The following CENPO variants were observed in gnomAD, a reference collection of about 807,000 sequenced individuals.
CENPO encodes centromere protein O, also known as centromeric protein O.
CENPO carries 30 observed loss-of-function variants against 36.1 expected under a neutral mutation model. That is an observed-to-expected ratio of 0.83 (90% CI 0.62 to 1.13). The LOEUF (loss-of-function observed/expected upper bound fraction) is 1.13. Among genes scored for constraint, CENPO ranks in the 50% most tolerant of loss-of-function variants. The pLI is 0.00. For missense variants in CENPO, 349 were observed against 357.8 expected, an observed-to-expected ratio of 0.98 and a Z score of 0.20; for synonymous variants, 171 against 142.3, an observed-to-expected ratio of 1.20 and a Z score of -1.44.
intron 1 of CENPO, 71 bp from the exon 2 acceptor site, chr2:24,793,781 G>C (rs1329013854): frequency 1.1e-5 from 13 of 1,186,010 alleles, no homozygotes; most frequent in Non-Finnish European, 1.6e-5. Flanking sequence ...TGCCTGAGTG[G>C]TGTGTGCCCT....
chr2:24,804,369 A>G (rs1666288684), intron 3 of CENPO, among the ~76,000 whole-genome samples: 1 of 152,176 alleles, frequency 6.6e-6, no homozygotes, highest in African/African-American at 2.4e-5. Flanking sequence ...TCCTGTCATT[A>G]TGATGTTAGC....
At chr2:24,813,734 G>T (rs1204162934) in intron 3 of CENPO, among the ~76,000 whole-genome samples, 1 of 152,162 alleles carries the variant, frequency 6.6e-6, no homozygotes, top group Non-Finnish European at 1.5e-5. Flanking sequence ...TCTAGTTTAT[G>T]CCTTTCTATG....
intron 3 of CENPO, among the ~76,000 whole-genome samples, chr2:24,813,604 C>T (rs1212132065): frequency 1.3e-5 from 2 of 152,064 alleles, no homozygotes; most frequent in Non-Finnish European, 2.9e-5. Flanking sequence ...TAGCAAATGC[C>T]GGGAGGGAAG....
chr2:24,817,466 C>CAA (rs57556645), intron 6 of CENPO, among the ~76,000 whole-genome samples: 1 of 110,084 alleles, frequency 9.1e-6, no homozygotes, highest in Non-Finnish European at 1.7e-5. Context: ...TAGTCCAGAC[C>CAA]AAAAAAAAAA....
chr2:24,801,206 C>G (rs1028424976), intron 3 of CENPO, among the ~76,000 whole-genome samples: 3 of 152,080 alleles, frequency 2.0e-5, no homozygotes, highest in Non-Finnish European at 4.4e-5. Context: ...TGTTTGAGTT[C>G]ATTGTAGATT....
At chr2:24,810,504 GTT>G (rs35287429) in intron 3 of CENPO, among the ~76,000 whole-genome samples, 52 of 114,056 alleles carry the variant, frequency 4.6e-4, no homozygotes, top group East Asian at 1.1e-3. Context: ...GCAGGTTAAG[GTT>G]TTTTTTTTTT....
At chr2:24,818,549 GATAAA>G (rs1667072288) in intron 7 of CENPO, among the ~76,000 whole-genome samples, 1 of 152,178 alleles carries the variant, frequency 6.6e-6, no homozygotes, top group Non-Finnish European at 1.5e-5. Context: ...AAAGCAGTAG[GATAAA>G]ATAATCAGAG....
intron 3 of CENPO, among the ~76,000 whole-genome samples, chr2:24,801,115 G>T (rs299015): frequency 5.3e-5 from 8 of 152,178 alleles, no homozygotes; most frequent in Admixed American, 2.0e-4. Context: ...TTTGGCTGCA[G>T]AAATGTCTTC....
intron 6 of CENPO, 44 bp from the exon 7 acceptor site, chr2:24,817,625 TC>T (rs1667015614): frequency 3.7e-6 from 6 of 1,612,004 alleles, no homozygotes; most frequent in Non-Finnish European, 4.2e-6. Flanking sequence ...AGGCTCCGAT[TC>T]CCCCAGCTGC....
intron 2 of CENPO, among the ~76,000 whole-genome samples, chr2:24,796,406 A>G (rs1354638217): frequency 6.6e-6 from 1 of 152,164 alleles, no homozygotes; most frequent in Non-Finnish European, 1.5e-5. Flanking sequence ...ACTTTGTGCT[A>G]GGGTTAAGGG....
chr2:24,821,990 A>G lies in CENPO; in HGVS notation c.*2672A>G. 2 of 254,544 alleles carry G rather than the reference A, an allele frequency of 7.9e-6. No individual in the cohort carries two copies. Among genetic ancestry groups the G allele is most frequent in the Non-Finnish European group, 7.6e-6 (1 of 132,212 alleles). The allele number at this position is 254,544 out of a possible 1,614,324, so 15.8% of individuals were successfully genotyped here. A position where few individuals can be genotyped will look rare whatever the true frequency, so the allele number is the denominator to read the frequency against. Reference sequence around the variant, plus strand: ...ACTAGGTGATAAGCACTGGAGGGGGATGACCCGCCTTGGACGTGTTTCTTT... The same window carrying G: ...ACTAGGTGATAAGCACTGGAGGGGGGTGACCCGCCTTGGACGTGTTTCTTT... On this transcript the variant is annotated 3_prime_UTR_variant, in exon 8 of 8. Transcript: ENST00000380834.
At position 24,821,287 on chromosome 2, in the gene CENPO, G is replaced by C. The variant is rs947399822; in HGVS notation, c.*1969G>C. ...CAGCCAGGCAGGCCAAGCTTCTATT[G>C]TAACAGTAGGCACAGTATAGTCGGA... On this transcript the variant is annotated 3_prime_UTR_variant, in exon 8 of 8. Coordinates refer to ENST00000380834, the MANE Select transcript of CENPO (RefSeq NM_001322101.2). The C allele has an allele frequency of 1.3e-5, 7 of 550,978 alleles. No individual in the cohort carries two copies. The highest frequency in any genetic ancestry group is 1.0e-4 in the East Asian group (3 of 29,822). 34.1% of individuals were successfully genotyped at this position (550,978 alleles called of 1,614,324 possible). A position where few individuals can be genotyped will look rare whatever the true frequency, so the allele number is the denominator to read the frequency against.
chr2:24,815,813 G>A, intron 5 of CENPO, 57 bp downstream of exon 5: 1 of 1,537,014 alleles, frequency 6.5e-7, no homozygotes, highest in Non-Finnish European at 8.9e-7. Context: ...ACTTAAAAGG[G>A]GGATGTTTTT....
At chr2:24,811,384 G>T (rs1339224629) in intron 3 of CENPO, among the ~76,000 whole-genome samples, 1 of 143,914 alleles carries the variant, frequency 6.9e-6, no homozygotes, top group Non-Finnish European at 1.5e-5. Context: ...TGATTCAAGC[G>T]ATTCTCCTGC....
At chr2:24,815,881 C>T (rs761133930) in intron 5 of CENPO, 125 bp downstream of exon 5, 1 of 861,552 alleles carries the variant, frequency 1.2e-6, no homozygotes, top group Non-Finnish European at 1.8e-6. Context: ...CTTTCCGATG[C>T]TTGTTTCTTA....
chr2:24,820,799 T>C lies in CENPO; in HGVS notation c.*1481T>C. ...CTGTATTGCCCCAGATGTCGTAGTG[T>C]GGTTTCCGGGCTCCGATGACCCCAG... On this transcript the variant is annotated 3_prime_UTR_variant, in exon 8 of 8. Coordinates refer to ENST00000380834, the MANE Select transcript of CENPO (RefSeq NM_001322101.2). 1.2e-6 allele frequency: 2 copies of C among 1,614,124 alleles called. No homozygotes were observed. Among genetic ancestry groups the C allele is most frequent in the South Asian group, 2.2e-5 (2 of 91,076 alleles).
Position 24,805,163 on chromosome 2 carries a change from G to T in CENPO, c.216+5319G>T, listed in dbSNP as rs1666339271. On this transcript the variant is annotated intron_variant, in intron 3 of 7. Coordinates refer to ENST00000380834, the MANE Select transcript of CENPO (RefSeq NM_001322101.2). ...TTCGTCACGTGGGTCTCACGCCATG[G>T]TTTTCAGCTCCATCAGGTCCTTTAA... is the stretch of plus-strand genomic sequence containing the variant. 2.0e-5 allele frequency among the ~76,000 whole-genome samples: 3 copies of T among 152,188 alleles called. 1 individual carries two copies. The highest frequency in any genetic ancestry group is 2.0e-4 in the Admixed American group (3 of 15,282).
intron 2 of CENPO, among the ~76,000 whole-genome samples, chr2:24,798,965 C>A (rs1373926737): frequency 2.1e-5 from 3 of 144,786 alleles, no homozygotes; most frequent in Non-Finnish European, 4.5e-5. Context: ...TAAATAAAGT[C>A]TGGGGCTTCC....
rs892865983 is a variant in CENPO at position 24,820,331 on chromosome 2, C to T, written c.*1013C>T. 1.3e-5 allele frequency: 17 copies of T among 1,332,444 alleles called. No homozygotes were observed. The highest frequency in any genetic ancestry group is 1.6e-5 in the Non-Finnish European group (17 of 1,045,162). 82.5% of individuals were successfully genotyped at this position (1,332,444 alleles called of 1,614,324 possible). ...GACTGGCTGGGGGCCTCCTCTCATC[C>T]AGAGACTTCTCTCCTAGGATGGCCA... On this transcript the variant is annotated 3_prime_UTR_variant, in exon 8 of 8. Transcript: ENST00000380834.
Sources: allele counts gnomAD v4.1 joint callset (sites outside exome capture counted in the v4.1 genomes callset), GRCh38; gene constraint gnomAD v4.1.1; transcripts MANE v1.5; gene names NCBI Gene and HGNC (gene_info 2026-07-23, HGNC 2026-07-21).